The following ROBO1 variants were observed in gnomAD, a reference collection of about 807,000 sequenced individuals.
The protein encoded by ROBO1 is roundabout guidance receptor 1.
Under a neutral mutation model 195.9 loss-of-function variants are expected in ROBO1, and 149 were observed. The ratio of observed to expected loss-of-function variants is 0.76; its 90% confidence interval spans 0.67 to 0.87. ROBO1 has a LOEUF of 0.87. ROBO1 is among the 40% of genes least tolerant of loss of function. ROBO1 has a pLI of 0.00. For synonymous variants in ROBO1, 816 were observed against 733.2 expected, an observed-to-expected ratio of 1.11 and a Z score of -1.82; for missense variants, 1,933 against 2,068.3, an observed-to-expected ratio of 0.93 and a Z score of 1.27.
intron 4 of ROBO1, among the ~76,000 whole-genome samples, chr3:78,912,998 T>C (rs162268): frequency 0.38 from 58,239 of 151,954 alleles, 11,897 homozygotes; most frequent in African/African-American, 0.53. Flanking sequence ...ATAGTATATG[T>C]AAAGAAGCAC....
At chr3:79,425,278 G>A (rs1208582193) in intron 2 of ROBO1, among the ~76,000 whole-genome samples, 7 of 152,100 alleles carry the variant, frequency 4.6e-5, no homozygotes, top group African/African-American at 9.7e-5. Context: ...CCTTGATGGC[G>A]CAGTAACCAA....
At chr3:79,534,984 C>A (rs923842794) in intron 2 of ROBO1, among the ~76,000 whole-genome samples, 2 of 152,062 alleles carry the variant, frequency 1.3e-5, no homozygotes, top group Non-Finnish European at 2.9e-5. Context: ...CACTGCAGTG[C>A]TTGTCTGTGC....
intron 3 of ROBO1, among the ~76,000 whole-genome samples, chr3:79,074,551 G>C (rs2079140092): frequency 6.6e-6 from 1 of 151,570 alleles, no homozygotes; most frequent in African/African-American, 2.4e-5. Context: ...CTGAGTAGCT[G>C]AGACCACAGA....
chr3:78,816,859 A>T (rs1328850287), intron 4 of ROBO1, among the ~76,000 whole-genome samples: 1 of 152,158 alleles, frequency 6.6e-6, no homozygotes, highest in Non-Finnish European at 1.5e-5. Flanking sequence ...CCTTGAAATT[A>T]TATCTGCTCC....
At chr3:79,472,727 T>C (rs1487884655) in intron 2 of ROBO1, among the ~76,000 whole-genome samples, 2 of 152,186 alleles carry the variant, frequency 1.3e-5, no homozygotes, top group Non-Finnish European at 2.9e-5. Flanking sequence ...GGTGCTTGGC[T>C]TTCAGCTATC....
intron 2 of ROBO1, among the ~76,000 whole-genome samples, chr3:79,197,074 A>C (rs960193784): frequency 6.6e-6 from 1 of 151,356 alleles, no homozygotes; most frequent in African/African-American, 2.4e-5. Flanking sequence ...ATTATACTTT[A>C]AGTTCTGCAC....
intron 1 of ROBO1, among the ~76,000 whole-genome samples, chr3:79,753,593 AATT>A (rs1283352010): frequency 1.3e-5 from 2 of 152,208 alleles, no homozygotes; most frequent in Admixed American, 6.6e-5. Context: ...TATCTTTGCC[AATT>A]ATTATTATTA....
chr3:78,864,542 C>T (rs1235022908), intron 4 of ROBO1, among the ~76,000 whole-genome samples: 1 of 151,940 alleles, frequency 6.6e-6, no homozygotes, highest in Non-Finnish European at 1.5e-5. Flanking sequence ...GATTAATTTC[C>T]TAATTACTAA....
chr3:79,665,024 A>G (rs2106857151), intron 1 of ROBO1, among the ~76,000 whole-genome samples: 1 of 152,126 alleles, frequency 6.6e-6, no homozygotes. Context: ...CTTAAGCCAC[A>G]TAACGAGAAA....
chr3:79,142,509 A>G (rs560907906), intron 2 of ROBO1, among the ~76,000 whole-genome samples: 1 of 152,154 alleles, frequency 6.6e-6, no homozygotes, highest in Non-Finnish European at 1.5e-5. Flanking sequence ...TTCATAATAC[A>G]CTTAATTGTA....
At chr3:78,710,303 A>G (rs1036904480) in intron 8 of ROBO1, among the ~76,000 whole-genome samples, 2 of 152,152 alleles carry the variant, frequency 1.3e-5, no homozygotes, top group African/African-American at 4.8e-5. Flanking sequence ...TCCTGCCTCA[A>G]CCTTCCAATA....
chr3:79,418,547 G>A (rs1387747588), intron 2 of ROBO1, among the ~76,000 whole-genome samples: 1 of 152,032 alleles, frequency 6.6e-6, no homozygotes, highest in Admixed American at 6.6e-5. Context: ...TTATTTAATT[G>A]CATGAATAAA....
intron 5 of ROBO1, among the ~76,000 whole-genome samples, chr3:78,718,936 T>C (rs865876210): frequency 6.6e-6 from 1 of 150,614 alleles, no homozygotes; most frequent in Non-Finnish European, 1.5e-5. Flanking sequence ...TTTTTCATAA[T>C]ACATTATGGA....
intron 1 of ROBO1, among the ~76,000 whole-genome samples, chr3:79,765,299 T>A (rs1704923405): frequency 6.6e-6 from 1 of 152,148 alleles, no homozygotes; most frequent in African/African-American, 2.4e-5. Flanking sequence ...TTTTTATCCC[T>A]CATGGGAGAG....
intron 3 of ROBO1, among the ~76,000 whole-genome samples, chr3:78,986,396 T>C (rs986957742): frequency 2.6e-5 from 4 of 152,000 alleles, no homozygotes; most frequent in Non-Finnish European, 4.4e-5. Flanking sequence ...TTTTTTTTTT[T>C]CTTTTTTTTT....
intron 2 of ROBO1, among the ~76,000 whole-genome samples, chr3:79,542,643 T>G (rs1018570477): frequency 6.6e-6 from 1 of 152,068 alleles, no homozygotes; most frequent in African/African-American, 2.4e-5. Context: ...TTAAATGGAA[T>G]GTCTCATTTA....
intron 8 of ROBO1, among the ~76,000 whole-genome samples, chr3:78,695,643 AG>A (rs67801124): frequency 0.17 from 22,356 of 132,294 alleles, 1,918 homozygotes; most frequent in Non-Finnish European, 0.19. Context: ...AAAAAAAAAA[AG>A]AAAAGAAAAC....
intron 3 of ROBO1, among the ~76,000 whole-genome samples, chr3:79,023,985 C>G (rs1378004441): frequency 6.6e-6 from 1 of 151,862 alleles, no homozygotes; most frequent in Non-Finnish European, 1.5e-5. Flanking sequence ...GCTGGGATTA[C>G]AGGCGTGAGC....
At chr3:78,968,434 A>G (rs2076694273) in intron 3 of ROBO1, among the ~76,000 whole-genome samples, 1 of 151,946 alleles carries the variant, frequency 6.6e-6, no homozygotes. Flanking sequence ...TGGTGAAATT[A>G]GCAAGCCCAG....
Sources: allele counts gnomAD v4.1 joint callset (sites outside exome capture counted in the v4.1 genomes callset), GRCh38; gene constraint gnomAD v4.1.1; transcripts MANE v1.5; gene names NCBI Gene and HGNC (gene_info 2026-07-23, HGNC 2026-07-21).